CHD7: variants seen among roughly 807,000 people sequenced by gnomAD.
CHD7 encodes the protein chromodomain helicase DNA binding protein 7.
A neutral mutation model predicts 307.3 loss-of-function variants in CHD7; 24 were observed. The observed-to-expected ratio is 0.08, with a 90% confidence interval of 0.06 to 0.11. CHD7 has a LOEUF of 0.11. CHD7 is among the 10% of genes least tolerant of loss of function. The probability of loss-of-function intolerance (pLI) is 1.00; values close to 1 mark genes in which losing one functional copy is unlikely to be tolerated. For synonymous variants in CHD7, 1,363 were observed against 1,349.9 expected, an observed-to-expected ratio of 1.01 and a Z score of -0.21; for missense variants, 3,106 against 3,727.1, an observed-to-expected ratio of 0.83 and a Z score of 4.34.
intron 2 of CHD7, among the ~76,000 whole-genome samples, chr8:60,777,511 T>C (rs1390143527): frequency 6.6e-6 from 1 of 152,212 alleles, no homozygotes; most frequent in Non-Finnish European, 1.5e-5. Flanking sequence ...ACATATCTTT[T>C]CATTTTCTTT....
At chr8:60,819,805 G>A (rs1803940984) in intron 8 of CHD7, among the ~76,000 whole-genome samples, 1 of 152,218 alleles carries the variant, frequency 6.6e-6, no homozygotes, top group African/African-American at 2.4e-5. Context: ...AAAAGACCCA[G>A]TTAACGAAGT....
intron 7 of CHD7, among the ~76,000 whole-genome samples, chr8:60,810,726 A>G (rs1440822152): frequency 1.3e-5 from 2 of 152,170 alleles, no homozygotes; most frequent in East Asian, 3.9e-4. Context: ...GTTTGAGGGC[A>G]TAGGGACTAA....
At chr8:60,679,584 G>T (rs1369960313) in intron 1 of CHD7, 1 of 148,254 alleles carries the variant, frequency 6.7e-6, no homozygotes, top group South Asian at 1.8e-4. Flanking sequence ...ACTCAAGTGC[G>T]AGCGGGCGAT....
In CHD7 at chr8:60,781,157, C is replaced by T. The variant is rs1163512247; in HGVS notation, c.1823C>T (p.Ala608Val). Reference sequence around the variant, plus strand: ...AAAAAGAAAAACAACCACATTGTAGCAGAGGATCCCAGTAAAGGTTTTGGT... The same window carrying T: ...AAAAAGAAAAACAACCACATTGTAGTAGAGGATCCCAGTAAAGGTTTTGGT... ...KKKKKNNHIV[A>V]EDPSKGFGKD... is the part of the protein sequence containing the mutation. Residue 608 changes from alanine (A) to valine (V), a missense_variant, in exon 3 of 38, where the codon GCA becomes GTA. By Grantham distance (64) the Ala-to-Val change is moderately conservative (BLOSUM62 0). Around this residue, in one of 10 missense-constraint regions of CHD7, gnomAD observed 998 missense variants for 1,004.5 expected, o/e 0.99. Coordinates refer to ENST00000423902, the MANE Select transcript of CHD7 (RefSeq NM_017780.4). 2 of 1,607,808 alleles carry T rather than the reference C, an allele frequency of 1.2e-6. No individual in the cohort carries two copies. Among genetic ancestry groups the T allele is most frequent in the East Asian group, 2.2e-5 (1 of 44,778 alleles).
chr8:60,707,714 A>T (rs1807086860), intron 1 of CHD7, among the ~76,000 whole-genome samples: 1 of 152,198 alleles, frequency 6.6e-6, no homozygotes, highest in Non-Finnish European at 1.5e-5. Flanking sequence ...ACTGTATTTG[A>T]GGGTAAAAGA....
At position 60,828,567 on chromosome 8, in the gene CHD7, G is replaced by A. The variant is rs916988957; in HGVS notation, c.3379-96G>A. 74 of 1,133,862 alleles carry A rather than the reference G, an allele frequency of 6.5e-5. No individual in the cohort carries two copies. In the African/African-American group the frequency reaches 1.1e-3, roughly 16 times the overall value. The allele number at this position is 1,133,862 out of a possible 1,614,324, so 70.2% of individuals were successfully genotyped here. ...CCTATACTTTGCATAGGGTAGATGA[G>A]TAGGAGTAGAACAATGGGTGTCTAG... On this transcript the variant is annotated intron_variant, in intron 13 of 37. Transcript: ENST00000423902.
At chr8:60,682,253 G>A (rs1805666701) in intron 1 of CHD7, among the ~76,000 whole-genome samples, 1 of 152,046 alleles carries the variant, frequency 6.6e-6, no homozygotes, top group African/African-American at 2.4e-5. Context: ...TTTTCATAAT[G>A]AGCCTTCTTT....
intron 1 of CHD7, among the ~76,000 whole-genome samples, chr8:60,684,707 C>T (rs1379526008): frequency 5.9e-5 from 9 of 152,164 alleles, no homozygotes; most frequent in African/African-American, 1.4e-4. Context: ...CCAACTTGGT[C>T]AGGGCTTTCA....
intron 3 of CHD7, among the ~76,000 whole-genome samples, chr8:60,785,586 C>T (rs1320687266): frequency 6.6e-6 from 1 of 152,092 alleles, no homozygotes; most frequent in Admixed American, 6.5e-5. Context: ...AGAGTAGCAA[C>T]GTTTACCTGA....
chr8:60,790,780 A>G (rs1405641317), intron 3 of CHD7, among the ~76,000 whole-genome samples: 1 of 152,180 alleles, frequency 6.6e-6, no homozygotes, highest in Non-Finnish European at 1.5e-5. Flanking sequence ...TAGTGCTTTG[A>G]TTTTAATACA....
intron 25 of CHD7, 51 bp downstream of exon 25, chr8:60,849,205 A>G (rs1416623642): frequency 3.5e-6 from 4 of 1,157,972 alleles, no homozygotes; most frequent in African/African-American, 3.1e-5. Context: ...CTTGGTCTTT[A>G]TTTAGAACTC....
intron 2 of CHD7, among the ~76,000 whole-genome samples, chr8:60,771,298 A>G (rs373866034): frequency 6.6e-6 from 1 of 152,370 alleles, no homozygotes; most frequent in South Asian, 2.1e-4. Context: ...CAGGTTGACT[A>G]TCTCTCATTC....
rs1294090615 is a variant in CHD7 at position 60,852,045 on chromosome 8, T to G, written c.5692T>G (p.Leu1898Val). 1 of 1,613,222 alleles carries G rather than the reference T, an allele frequency of 6.2e-7. No homozygotes were observed. The highest frequency in any genetic ancestry group is 8.5e-7 in the Non-Finnish European group (1 of 1,179,580). ...TGKHSESNAE[L>V]GQLYWPNTST... ...CAAGCACAGTGAGAGTAATGCTGAG[T>G]TAGGCCAACTTTACTGGCCTAACAC... is the stretch of plus-strand genomic sequence containing the variant. The change falls in exon 29 of 38, where the codon TTA becomes GTA. Residue 1898 changes from leucine to valine, a missense_variant. This residue lies in a region of CHD7 where 1,030 missense variants were observed against 1,165.4 expected (regional missense o/e 0.88). Coordinates refer to ENST00000423902, the MANE Select transcript of CHD7 (RefSeq NM_017780.4).
At chr8:60,818,647 G>C (rs1803871639) in intron 8 of CHD7, among the ~76,000 whole-genome samples, 1 of 152,088 alleles carries the variant, frequency 6.6e-6, no homozygotes, top group African/African-American at 2.4e-5. Context: ...ACATATGTTT[G>C]TGTTTCTGCT....
chr8:60,750,393 C>G (rs1809578865), intron 2 of CHD7, among the ~76,000 whole-genome samples: 1 of 152,172 alleles, frequency 6.6e-6, no homozygotes, highest in Admixed American at 6.5e-5. Context: ...ACAGCAACCT[C>G]CACCGAGGTG....
rs1456757133 is a variant in CHD7 at position 60,854,361 on chromosome 8, A to G, written c.6776-2A>G. 1.9e-6 allele frequency: 3 copies of G among 1,613,146 alleles called. No homozygotes were observed. The highest frequency in any genetic ancestry group is 1.1e-5 in the South Asian group (1 of 90,944). ...AGTAATGCACATTAACTCATTTCTCAGCAGGAGCTGTCTCTAGAGGGAAGA... is the reference window on the plus strand; with the variant it reads ...AGTAATGCACATTAACTCATTTCTCGGCAGGAGCTGTCTCTAGAGGGAAGA... On this transcript the variant is annotated splice_acceptor_variant, in intron 31 of 37. Coordinates refer to ENST00000423902, the MANE Select transcript of CHD7 (RefSeq NM_017780.4). LOFTEE classifies it high-confidence loss of function.
At chr8:60,765,231 G>A (rs935804977) in intron 2 of CHD7, among the ~76,000 whole-genome samples, 5 of 134,904 alleles carry the variant, frequency 3.7e-5, no homozygotes, top group Non-Finnish European at 6.5e-5. Context: ...ACACACACAC[G>A]CACACGCATG....
rs1051403400 is a variant in CHD7 at position 60,741,354 on chromosome 8, T to G, written c.-79T>G. 4.0e-6 allele frequency: 4 copies of G among 998,548 alleles called. No homozygotes were observed. In the African/African-American group the frequency reaches 6.5e-5, roughly 16 times the overall value. 61.9% of individuals were successfully genotyped at this position (998,548 alleles called of 1,614,324 possible). A position where few individuals can be genotyped will look rare whatever the true frequency, so the allele number is the denominator to read the frequency against. On this transcript the variant is annotated 5_prime_UTR_variant, in exon 2 of 38. Transcript: ENST00000423902. The stretch of plus-strand genomic sequence containing the variant: ...AAGATTAGTTAAGGATTATAGGCTT[T>G]GAGGGCAAACACCTCAGTGAAGTGA...
At position 60,828,820 on chromosome 8, in the gene CHD7, C is replaced by T. The variant is rs752672896; in HGVS notation, c.3522+14C>T. 1.9e-6 allele frequency: 3 copies of T among 1,608,978 alleles called. No homozygotes were observed. The highest frequency in any genetic ancestry group is 1.1e-5 in the South Asian group (1 of 90,474). On this transcript the variant is annotated intron_variant, in intron 14 of 37. Coordinates refer to ENST00000423902, the MANE Select transcript of CHD7 (RefSeq NM_017780.4). ...ACAGAAGAGCAGGTATTTATCAGCT[C>T]CACTTTGTATTTCAGTTATAAAATT...
Sources: gnomAD v4.1 joint callset for allele counts (sites outside exome capture counted in the v4.1 genomes callset) on GRCh38, gnomAD v4.1.1 for gene constraint, gnomAD v4.1.1 regional missense constraint, MANE v1.5 for transcripts, NCBI Gene and HGNC (gene_info 2026-07-23, HGNC 2026-07-21) for gene names.